The following PID1 variants were observed in gnomAD, a reference collection of about 807,000 sequenced individuals.
PID1 encodes the protein phosphotyrosine interaction domain containing 1, also known as PTB-containing, cubilin and LRP1-interacting protein.
Under a neutral mutation model 19.1 loss-of-function variants are expected in PID1, and 10 were observed. The ratio of observed to expected loss-of-function variants is 0.52; its 90% CI spans 0.32 to 0.89. The LOEUF (loss-of-function observed/expected upper bound fraction) is 0.89. Ranked by LOEUF, PID1 falls within the 40% of genes least tolerant of loss-of-function variation. PID1 has a pLI of 0.03. For synonymous variants in PID1, 130 were observed against 116.0 expected, an observed-to-expected ratio of 1.12 and a Z score of -0.78; for missense variants, 248 against 285.3, an observed-to-expected ratio of 0.87 and a Z score of 0.94.
intron 2 of PID1, among the ~76,000 whole-genome samples, chr2:229,077,854 T>C (rs1393460007): frequency 6.6e-6 from 1 of 152,218 alleles, no homozygotes; most frequent in Non-Finnish European, 1.5e-5. Context: ...CTTAGGATTG[T>C]CTTGGCTATA....
chr2:229,263,990 T>C (rs1284217279), intron 1 of PID1, among the ~76,000 whole-genome samples: 1 of 152,218 alleles, frequency 6.6e-6, no homozygotes, highest in Non-Finnish European at 1.5e-5. Flanking sequence ...ATTTTCTCCA[T>C]ACTTGGAAAT....
intron 1 of PID1, among the ~76,000 whole-genome samples, chr2:229,220,842 A>C (rs905961155): frequency 6.6e-5 from 10 of 152,186 alleles, no homozygotes; most frequent in Non-Finnish European, 7.3e-5. Context: ...TAAAACTGAC[A>C]ATGTTTATAC....
chr2:229,108,456 C>T (rs1695222764), intron 2 of PID1, among the ~76,000 whole-genome samples: 1 of 152,188 alleles, frequency 6.6e-6, no homozygotes, highest in South Asian at 2.1e-4. Flanking sequence ...TGGCTTATCT[C>T]AGCAAGGGGA....
chr2:229,037,646 C>A (rs921741663), intron 2 of PID1, among the ~76,000 whole-genome samples: 1 of 152,144 alleles, frequency 6.6e-6, no homozygotes, highest in African/African-American at 2.4e-5. Context: ...AAAACGAGAC[C>A]ACATTGAAAT....
At chr2:229,205,669 G>A (rs1691595029) in intron 1 of PID1, among the ~76,000 whole-genome samples, 1 of 152,044 alleles carries the variant, frequency 6.6e-6, no homozygotes, top group African/African-American at 2.4e-5. Flanking sequence ...CACAGGATTT[G>A]GGGAGGTCAA....
intron 1 of PID1, chr2:229,262,566 G>C: frequency 7.0e-7 from 1 of 1,421,548 alleles, no homozygotes; most frequent in Non-Finnish European, 9.2e-7. Flanking sequence ...CAGAAGTAGA[G>C]TGACCAAACA....
chr2:229,125,863 A>T (rs993996213), intron 2 of PID1, among the ~76,000 whole-genome samples: 2 of 152,286 alleles, frequency 1.3e-5, no homozygotes, highest in Non-Finnish European at 1.5e-5. Context: ...GGCTTTCTCC[A>T]TTGAAGAAAA....
At chr2:229,123,598 C>T (rs1294288655) in intron 2 of PID1, among the ~76,000 whole-genome samples, 7 of 152,168 alleles carry the variant, frequency 4.6e-5, no homozygotes, top group African/African-American at 1.2e-4. Context: ...GGAATTACCA[C>T]GGTGTTTTCC....
intron 1 of PID1, among the ~76,000 whole-genome samples, chr2:229,226,009 A>C (rs780414896): frequency 5.1e-4 from 78 of 152,068 alleles, no homozygotes; most frequent in Non-Finnish European, 8.5e-4. Context: ...AGACCATAAG[A>C]ATGTCCCATT....
intron 2 of PID1, among the ~76,000 whole-genome samples, chr2:229,029,928 T>A (rs1481570035): frequency 6.6e-6 from 1 of 152,062 alleles, no homozygotes. Context: ...TTGAAAGATG[T>A]ATATCAAAGA....
At chr2:229,237,797 T>G (rs926724749) in intron 1 of PID1, among the ~76,000 whole-genome samples, 1 of 152,220 alleles carries the variant, frequency 6.6e-6, no homozygotes, top group African/African-American at 2.4e-5. Context: ...TCAGAATGAC[T>G]GATAAATTCT....
intron 1 of PID1, among the ~76,000 whole-genome samples, chr2:229,173,884 C>T (rs1559268881): frequency 6.6e-6 from 1 of 152,174 alleles, no homozygotes; most frequent in East Asian, 1.9e-4. Context: ...CCTGGCCCTG[C>T]AAGTGGCTTA....
intron 2 of PID1, among the ~76,000 whole-genome samples, chr2:229,047,092 C>A (rs1693897527): frequency 6.6e-6 from 1 of 152,186 alleles, no homozygotes; most frequent in Admixed American, 6.5e-5. Context: ...CATTTAACAC[C>A]ACCATGTTCT....
intron 2 of PID1, among the ~76,000 whole-genome samples, chr2:229,143,500 G>A (rs1344298726): frequency 6.6e-6 from 1 of 152,034 alleles, no homozygotes; most frequent in Non-Finnish European, 1.5e-5. Flanking sequence ...AAATTAAAAA[G>A]GCCCACAACC....
Position 229,233,880 on chromosome 2 carries a change from C to T in PID1, c.30+37134G>A, listed in dbSNP as rs560137375. Reference sequence around the variant, plus strand: ...GTTATTTTTACAGAATTGTTTTTAGCCAGTCAATCAACAAACATTTATTAT... The same window carrying T: ...GTTATTTTTACAGAATTGTTTTTAGTCAGTCAATCAACAAACATTTATTAT... On this transcript the variant is annotated intron_variant, in intron 1 of 2. Transcript: ENST00000392055. 1.6e-4 allele frequency among the ~76,000 whole-genome samples: 24 copies of T among 152,238 alleles called. No homozygotes were observed. In the East Asian group the frequency reaches 4.3e-3, roughly 27 times the overall value.
intron 1 of PID1, among the ~76,000 whole-genome samples, chr2:229,180,694 C>T (rs953697928): frequency 1.3e-5 from 2 of 152,180 alleles, no homozygotes; most frequent in African/African-American, 4.8e-5. Flanking sequence ...TCTGAGCCTG[C>T]GGGAACCTTT....
intron 1 of PID1, among the ~76,000 whole-genome samples, chr2:229,196,790 A>G (rs1307632100): frequency 6.6e-6 from 1 of 152,050 alleles, no homozygotes; most frequent in Non-Finnish European, 1.5e-5. Flanking sequence ...ACTGGAACTA[A>G]TAATATTTAC....
chr2:229,068,045 A>G (rs537502958), intron 2 of PID1, among the ~76,000 whole-genome samples: 1 of 152,314 alleles, frequency 6.6e-6, no homozygotes, highest in African/African-American at 2.4e-5. Flanking sequence ...AGTACATTCT[A>G]TGGACAGTCT....
intron 1 of PID1, among the ~76,000 whole-genome samples, chr2:229,258,854 T>C (rs1352520136): frequency 2.4e-5 from 2 of 83,460 alleles, no homozygotes; most frequent in African/African-American, 4.7e-5. Context: ...AAAGCGAGAC[T>C]CCGTCTCAAA....
Sources: gnomAD v4.1 joint callset for allele counts (sites outside exome capture counted in the v4.1 genomes callset) on GRCh38, gnomAD v4.1.1 for gene constraint, MANE v1.5 for transcripts, NCBI Gene and HGNC (gene_info 2026-07-23, HGNC 2026-07-21) for gene names.